Variants in HS3ST4 observed in about 807,000 individuals in gnomAD.
The protein encoded by HS3ST4 is heparan sulfate-glucosamine 3-sulfotransferase 4.
Under a neutral mutation model 29.2 loss-of-function variants are expected in HS3ST4, and 17 were observed. The ratio of observed to expected loss-of-function variants is 0.58; its 90% CI spans 0.40 to 0.87. The LOEUF is 0.87. Ranked by LOEUF, HS3ST4 falls within the 40% of genes least tolerant of loss-of-function variation. The probability of loss-of-function intolerance (pLI) is 0.00; values close to 1 mark genes in which losing one functional copy is unlikely to be tolerated. For synonymous variants in HS3ST4, 314 were observed against 285.7 expected, an observed-to-expected ratio of 1.10 and a Z score of -1.00; for missense variants, 627 against 634.5, an observed-to-expected ratio of 0.99 and a Z score of 0.13.
intron 1 of HS3ST4, among the ~76,000 whole-genome samples, chr16:25,744,109 A>AG (rs1381027615): frequency 4.6e-5 from 7 of 152,354 alleles, no homozygotes; most frequent in Admixed American, 4.6e-4. Context: ...TTGTCTAAAA[A>AG]GCATACTAGA....
chr16:25,911,998 G>T (rs1294416279), intron 1 of HS3ST4, among the ~76,000 whole-genome samples: 1 of 152,176 alleles, frequency 6.6e-6, no homozygotes, highest in Non-Finnish European at 1.5e-5. Context: ...GCAAGATCCA[G>T]CTTTCTTAGA....
chr16:25,883,474 A>C (rs1967915361), intron 1 of HS3ST4, among the ~76,000 whole-genome samples: 1 of 152,196 alleles, frequency 6.6e-6, no homozygotes, highest in South Asian at 2.1e-4. Context: ...AAACCAAAAT[A>C]AATAAATAAA....
intron 1 of HS3ST4, among the ~76,000 whole-genome samples, chr16:25,870,514 T>C (rs1967739687): frequency 6.6e-6 from 1 of 151,984 alleles, no homozygotes; most frequent in Admixed American, 6.6e-5. Context: ...GAACAGCAAA[T>C]GGGAAGTCCC....
intron 1 of HS3ST4, among the ~76,000 whole-genome samples, chr16:25,750,433 G>T (rs1264228974): frequency 6.6e-6 from 1 of 152,186 alleles, no homozygotes; most frequent in Non-Finnish European, 1.5e-5. Context: ...CATTTTCCAT[G>T]GGAGAAATGT....
At chr16:26,016,419 A>G (rs547500113) in intron 1 of HS3ST4, among the ~76,000 whole-genome samples, 1 of 152,302 alleles carries the variant, frequency 6.6e-6, no homozygotes, top group South Asian at 2.1e-4. Flanking sequence ...AGCTTTTCAC[A>G]TGTTACTTCT....
chr16:25,976,783 T>G (rs1968947624), intron 1 of HS3ST4, among the ~76,000 whole-genome samples: 1 of 152,164 alleles, frequency 6.6e-6, no homozygotes, highest in South Asian at 2.1e-4. Flanking sequence ...ATACATATTA[T>G]TGGCTTTGAC....
At chr16:25,861,872 C>T (rs902732162) in intron 1 of HS3ST4, among the ~76,000 whole-genome samples, 3 of 152,154 alleles carry the variant, frequency 2.0e-5, no homozygotes, top group South Asian at 2.1e-4. Flanking sequence ...ATGTCTTGCT[C>T]ATTTCACTCA....
chr16:25,817,362 G>A (rs1238128811), intron 1 of HS3ST4, among the ~76,000 whole-genome samples: 1 of 152,196 alleles, frequency 6.6e-6, no homozygotes, highest in Non-Finnish European at 1.5e-5. Flanking sequence ...CTTAGGAAAA[G>A]GGCCAGATAG....
At chr16:26,128,052 C>G (rs1899368822) in intron 1 of HS3ST4, among the ~76,000 whole-genome samples, 3 of 152,166 alleles carry the variant, frequency 2.0e-5, no homozygotes, top group Non-Finnish European at 4.4e-5. Context: ...CTTCTAGTCT[C>G]CTTCATCTTT....
intron 1 of HS3ST4, among the ~76,000 whole-genome samples, chr16:25,925,166 C>T (rs570886733): frequency 3.3e-5 from 5 of 151,096 alleles, no homozygotes; most frequent in African/African-American, 1.2e-4. Flanking sequence ...TCTACATGGG[C>T]TAAGGTTCAG....
intron 1 of HS3ST4, among the ~76,000 whole-genome samples, chr16:25,824,559 A>G (rs537875138): frequency 6.6e-6 from 1 of 152,304 alleles, no homozygotes; most frequent in South Asian, 2.1e-4. Context: ...CGTATTCACT[A>G]TCAAGAGAAC....
chr16:25,838,487 G>A (rs1403494971), intron 1 of HS3ST4, among the ~76,000 whole-genome samples: 5 of 152,162 alleles, frequency 3.3e-5, no homozygotes, highest in African/African-American at 1.2e-4. Context: ...ATATAGGATC[G>A]TGATTCATAT....
chr16:25,786,779 A>G (rs1170934980), intron 1 of HS3ST4, among the ~76,000 whole-genome samples: 1 of 152,214 alleles, frequency 6.6e-6, no homozygotes, highest in Non-Finnish European at 1.5e-5. Flanking sequence ...AATAGTTCAG[A>G]TCAAATGCTT....
intron 1 of HS3ST4, among the ~76,000 whole-genome samples, chr16:25,949,850 A>G (rs1452012031): frequency 6.6e-6 from 1 of 152,092 alleles, no homozygotes; most frequent in Non-Finnish European, 1.5e-5. Flanking sequence ...CTAAAACTAG[A>G]CTAAATGGGT....
At position 25,692,552 on chromosome 16, in the gene HS3ST4, C is replaced by A; in HGVS notation, c.135C>A (p.Val45=). 1 of 1,454,724 alleles carries A rather than the reference C, an allele frequency of 6.9e-7. No individual in the cohort carries two copies. The highest frequency in any genetic ancestry group is 9.1e-7 in the Non-Finnish European group (1 of 1,094,476). 90.1% of individuals were successfully genotyped at this position (1,454,724 alleles called of 1,614,324 possible). A position where few individuals can be genotyped will look rare whatever the true frequency, so the allele number is the denominator to read the frequency against. ...TTATGTGCACCTTGTCCCTGTCTGT[C>A]ACCTACCTGTGCTACAGCCTCCTGG... ...LLFMCTLSLS[V]TYLCYSLLGG... is the part of the protein sequence containing the mutation. Residue 45 remains valine, a synonymous_variant, in exon 1 of 2, where the codon GTC becomes GTA. Coordinates refer to ENST00000331351, the MANE Select transcript of HS3ST4 (RefSeq NM_006040.3).
chr16:26,019,211 C>A (rs1969388263), intron 1 of HS3ST4, among the ~76,000 whole-genome samples: 1 of 152,082 alleles, frequency 6.6e-6, no homozygotes, highest in Non-Finnish European at 1.5e-5. Flanking sequence ...TCCAGGGGGG[C>A]AGTGGGGTTC....
At chr16:25,804,258 C>T (rs991322031) in intron 1 of HS3ST4, among the ~76,000 whole-genome samples, 4 of 152,132 alleles carry the variant, frequency 2.6e-5, no homozygotes, top group East Asian at 1.9e-4. Context: ...ATAGAAACCA[C>T]GATAACAGCA....
At chr16:25,745,185 A>G (rs1966678237) in intron 1 of HS3ST4, among the ~76,000 whole-genome samples, 1 of 152,112 alleles carries the variant, frequency 6.6e-6, no homozygotes, top group African/African-American at 2.4e-5. Flanking sequence ...TACCCAGATA[A>G]AAATAAGTGT....
At chr16:25,860,292 G>A (rs879305950) in intron 1 of HS3ST4, among the ~76,000 whole-genome samples, 1 of 152,216 alleles carries the variant, frequency 6.6e-6, no homozygotes, top group African/African-American at 2.4e-5. Flanking sequence ...TTGGAAGACA[G>A]TTTGGCAGTT....
Sources: gnomAD v4.1 joint callset for allele counts (sites outside exome capture counted in the v4.1 genomes callset) on GRCh38, gnomAD v4.1.1 for gene constraint, MANE v1.5 for transcripts, NCBI Gene and HGNC (gene_info 2026-07-23, HGNC 2026-07-21) for gene names.